Variants in TDRD3 observed in about 807,000 individuals in gnomAD.
TDRD3 encodes tudor domain containing 3.
Under a neutral mutation model 86.7 loss-of-function variants are expected in TDRD3, and 45 were observed. That is an observed-to-expected ratio of 0.52 (90% CI 0.41 to 0.67). The LOEUF (loss-of-function observed/expected upper bound fraction) is 0.67. TDRD3 is among the 30% of genes least tolerant of loss of function. TDRD3 has a pLI of 0.00. For synonymous variants in TDRD3, 298 were observed against 301.7 expected (o/e 0.99, Z 0.13); for missense variants, 814 against 889.0 (o/e 0.92, Z 1.07).
chr13:60,567,276 A>G (rs1358519327), intron 12 of TDRD3, among the ~76,000 whole-genome samples: 1 of 152,174 alleles, frequency 6.6e-6, no homozygotes, highest in Non-Finnish European at 1.5e-5. Context: ...ATTCAATTCT[A>G]ATCTTACCAC....
At chr13:60,572,850 T>C (rs1047870404) in intron 13 of TDRD3, among the ~76,000 whole-genome samples, 2 of 152,162 alleles carry the variant, frequency 1.3e-5, no homozygotes, top group African/African-American at 4.8e-5. Flanking sequence ...CCAGCATCAA[T>C]GTCAGGAAAA....
At chr13:60,459,847 C>T (rs1020235535) in intron 3 of TDRD3, among the ~76,000 whole-genome samples, 27 of 152,300 alleles carry the variant, frequency 1.8e-4, no homozygotes, top group Middle Eastern at 3.4e-3. Context: ...TCACAAGCTC[C>T]TGACCTCAGG....
At chr13:60,429,463 T>A (rs1954898133) in intron 1 of TDRD3, among the ~76,000 whole-genome samples, 1 of 152,194 alleles carries the variant, frequency 6.6e-6, no homozygotes, top group Non-Finnish European at 1.5e-5. Flanking sequence ...TTACTAGCTC[T>A]TTCTTGACAT....
At chr13:60,537,164 T>C (rs1555290339) in intron 12 of TDRD3, 1 of 152,108 alleles carries the variant, frequency 6.6e-6, no homozygotes, top group Non-Finnish European at 1.5e-5. Flanking sequence ...ACTAAATCTT[T>C]TGGAGATTCT....
intron 12 of TDRD3, among the ~76,000 whole-genome samples, chr13:60,555,096 C>T (rs1958155001): frequency 6.6e-6 from 1 of 152,106 alleles, no homozygotes; most frequent in Admixed American, 6.5e-5. Flanking sequence ...TTCAACCATA[C>T]TCCCATCAAA....
At chr13:60,519,804 G>A (rs1054991458) in intron 10 of TDRD3, among the ~76,000 whole-genome samples, 1 of 152,118 alleles carries the variant, frequency 6.6e-6, no homozygotes, top group African/African-American at 2.4e-5. Context: ...ACTGTACTCT[G>A]AGGTAAGCTC....
intron 1 of TDRD3, among the ~76,000 whole-genome samples, chr13:60,433,853 A>G (rs191177121): frequency 6.6e-6 from 1 of 152,338 alleles, no homozygotes; most frequent in Admixed American, 6.5e-5. Flanking sequence ...CCAGTGAGTA[A>G]GTTAGATTCA....
chr13:60,539,903 G>C (rs919454979), intron 12 of TDRD3, among the ~76,000 whole-genome samples: 2 of 151,914 alleles, frequency 1.3e-5, no homozygotes, highest in African/African-American at 2.4e-5. Flanking sequence ...ATAAAATTAG[G>C]CTCCATCTAG....
chr13:60,498,823 C>A (rs1326878674), intron 8 of TDRD3, among the ~76,000 whole-genome samples: 1 of 152,134 alleles, frequency 6.6e-6, no homozygotes, highest in Non-Finnish European at 1.5e-5. Flanking sequence ...ACTGGCTCAG[C>A]TGATGTTGAT....
chr13:60,553,811 T>C (rs1958123479), intron 12 of TDRD3, among the ~76,000 whole-genome samples: 1 of 152,148 alleles, frequency 6.6e-6, no homozygotes, highest in Non-Finnish European at 1.5e-5. Flanking sequence ...ATGTGGGGAA[T>C]ACAATTTGGG....
intron 6 of TDRD3, among the ~76,000 whole-genome samples, chr13:60,485,169 T>C (rs999402023): frequency 1.3e-5 from 2 of 152,164 alleles, no homozygotes; most frequent in Admixed American, 6.5e-5. Flanking sequence ...ATTTTCCTTT[T>C]TATTAATGAG....
At chr13:60,406,778 T>C (rs1288470344) in intron 1 of TDRD3, among the ~76,000 whole-genome samples, 2 of 152,306 alleles carry the variant, frequency 1.3e-5, no homozygotes, top group Middle Eastern at 3.4e-3. Context: ...CAGAGCACCT[T>C]TTAAAACACT....
At position 60,488,578 on chromosome 13, in the gene TDRD3, GT is replaced by G. The variant is rs113010072; in HGVS notation, c.717+2639del. On this transcript the variant is annotated intron_variant, in intron 7 of 13. Transcript: ENST00000377881. ...TAAATTGGATTGTTTGGGTTTTTTT[GT>G]TTTTTTTTATTTTTGACAGAGTCTT... is the stretch of plus-strand genomic sequence containing the variant. Among the ~76,000 whole-genome samples the G allele has an allele frequency of 8.4e-3, 1,265 of 150,942 alleles. 8 individuals carry two copies. Among genetic ancestry groups the G allele is most frequent in the Middle Eastern group, 0.024 (7 of 294 alleles).
chr13:60,424,474 C>T (rs1954748178), intron 1 of TDRD3, among the ~76,000 whole-genome samples: 1 of 151,796 alleles, frequency 6.6e-6, no homozygotes, highest in African/African-American at 2.4e-5. Context: ...GGGAGGAGTT[C>T]GAGACCAGCC....
At chr13:60,435,124 C>T (rs946876919) in intron 1 of TDRD3, among the ~76,000 whole-genome samples, 2 of 152,088 alleles carry the variant, frequency 1.3e-5, no homozygotes, top group South Asian at 2.1e-4. Context: ...CTGTGACAAT[C>T]GTCCAGTATT....
intron 7 of TDRD3, among the ~76,000 whole-genome samples, chr13:60,488,637 G>A (rs1040642042): frequency 3.7e-4 from 56 of 151,876 alleles, no homozygotes; most frequent in African/African-American, 9.7e-4. Context: ...GCAGTGGCGC[G>A]ATCTTGGCTC....
Position 60,485,854 on chromosome 13 carries a change from T to C in TDRD3, c.623T>C (p.Leu208Ser). The C allele has an allele frequency of 6.2e-7, 1 of 1,610,776 alleles. No individual in the cohort carries two copies. Among genetic ancestry groups the C allele is most frequent in the Non-Finnish European group, 8.5e-7 (1 of 1,178,628 alleles). The change falls in exon 7 of 14, where the codon TTG becomes TCG. Residue 208 changes from leucine to serine, a missense_variant. Physicochemically the swap from Leu to Ser is moderately radical, Grantham distance 145. Coordinates refer to ENST00000377881, the MANE Select transcript of TDRD3 (RefSeq NM_001146070.2). ...DSRELDRRKT[L>S]QVTMPVKPTN... ...AGAGAACTTGATCGAAGAAAAACAT[T>C]GCAAGTTACAATGCCTGTCAAACCT...
chr13:60,411,705 C>T (rs181252570), intron 1 of TDRD3, among the ~76,000 whole-genome samples: 30 of 152,190 alleles, frequency 2.0e-4, no homozygotes, highest in African/African-American at 7.0e-4. Flanking sequence ...TTGATGTCCC[C>T]TCACCCCTTG....
At chr13:60,544,443 TA>T (rs34582725) in intron 12 of TDRD3, among the ~76,000 whole-genome samples, 80,468 of 130,220 alleles carry the variant, frequency 0.62, 24,178 homozygotes, top group African/African-American at 0.67. Flanking sequence ...CATATCTCTT[TA>T]AAAAAAAAAA....
Sources: allele counts gnomAD v4.1 joint callset (sites outside exome capture counted in the v4.1 genomes callset), GRCh38; gene constraint gnomAD v4.1.1; transcripts MANE v1.5; gene names NCBI Gene and HGNC (gene_info 2026-07-23, HGNC 2026-07-21).